The following PPP1R9A variants were observed in gnomAD, a reference collection of about 807,000 sequenced individuals.
PPP1R9A encodes neurabin-1.
A neutral mutation model predicts 141.9 loss-of-function variants in PPP1R9A; 59 were observed. That is an observed-to-expected ratio of 0.42 (90% CI 0.34 to 0.52). The LOEUF (loss-of-function observed/expected upper bound fraction) is 0.52. Among genes scored for constraint, PPP1R9A ranks in the 20% least tolerant of loss-of-function variants. The probability of loss-of-function intolerance (pLI) is 0.10; values close to 1 mark genes in which losing one functional copy is unlikely to be tolerated. For synonymous variants in PPP1R9A, 500 were observed against 569.7 expected, an observed-to-expected ratio of 0.88 and a Z score of 1.74; for missense variants, 1,444 against 1,611.9, an observed-to-expected ratio of 0.90 and a Z score of 1.78.
intron 7 of PPP1R9A, among the ~76,000 whole-genome samples, chr7:95,219,708 G>T (rs1794115270): frequency 6.6e-6 from 1 of 152,072 alleles, no homozygotes; most frequent in South Asian, 2.1e-4. Flanking sequence ...CATCATTTTG[G>T]ATATTTTGCA....
intron 2 of PPP1R9A, among the ~76,000 whole-genome samples, chr7:94,917,594 G>A (rs918648415): frequency 6.7e-5 from 10 of 148,980 alleles, no homozygotes; most frequent in Non-Finnish European, 1.5e-4. Context: ...TTTTTGTAGA[G>A]ATGAAGTCTC....
At position 95,046,259 on chromosome 7, in the gene PPP1R9A, TTA is replaced by T. The variant is rs1809998417; in HGVS notation, c.1396-64999_1396-64998del. On this transcript the variant is annotated intron_variant, in intron 2 of 19. Coordinates refer to ENST00000433360, the MANE Select transcript of PPP1R9A (RefSeq NM_001166160.2). ...CCACGCCTGGCTAATTTTTGTATTT[TTA>T]GTACAGATGGGGTTTCACCATGTTG... 1.2e-4 allele frequency among the ~76,000 whole-genome samples: 19 copies of T among 152,172 alleles called. No individual in the cohort carries two copies. In the South Asian group the frequency reaches 3.9e-3, roughly 32 times the overall value.
intron 7 of PPP1R9A, among the ~76,000 whole-genome samples, chr7:95,223,280 C>T (rs1794702372): frequency 2.0e-5 from 3 of 151,978 alleles, no homozygotes; most frequent in African/African-American, 4.8e-5. Context: ...AAGAAGAACG[C>T]TTAACAACGT....
chr7:95,267,467 A>G (rs1480838514), intron 12 of PPP1R9A, among the ~76,000 whole-genome samples: 1 of 152,116 alleles, frequency 6.6e-6, no homozygotes, highest in Non-Finnish European at 1.5e-5. Context: ...GAGTAGTAGC[A>G]TTTCAAATAA....
chr7:95,283,885 G>A (rs1340126023), intron 16 of PPP1R9A, 133 bp from the exon 17 acceptor site: 8 of 739,274 alleles, frequency 1.1e-5, no homozygotes, highest in Admixed American at 3.2e-5. Context: ...AGTCAAAAGT[G>A]CAAACTTTTT....
chr7:95,043,170 T>C (rs1809503645), intron 2 of PPP1R9A, among the ~76,000 whole-genome samples: 1 of 152,200 alleles, frequency 6.6e-6, no homozygotes, highest in East Asian at 1.9e-4. Flanking sequence ...GATTTCAAAT[T>C]AAATTCTAGA....
intron 12 of PPP1R9A, among the ~76,000 whole-genome samples, chr7:95,265,277 A>C (rs939620246): frequency 3.3e-5 from 5 of 152,164 alleles, no homozygotes; most frequent in Non-Finnish European, 7.4e-5. Context: ...CAGACTTGAG[A>C]TTGACCTTCC....
At chr7:95,196,757 G>A (rs946185557) in intron 5 of PPP1R9A, among the ~76,000 whole-genome samples, 1 of 152,126 alleles carries the variant, frequency 6.6e-6, no homozygotes, top group Non-Finnish European at 1.5e-5. Flanking sequence ...GGCCCAGGAT[G>A]AAGATGACTT....
intron 12 of PPP1R9A, among the ~76,000 whole-genome samples, chr7:95,253,663 C>T (rs903358153): frequency 1.3e-5 from 2 of 152,062 alleles, no homozygotes; most frequent in African/African-American, 4.8e-5. Flanking sequence ...TCCTTCTTCA[C>T]CACTTTAAGG....
chr7:95,053,043 G>A (rs1230495476), intron 2 of PPP1R9A, among the ~76,000 whole-genome samples: 1 of 152,090 alleles, frequency 6.6e-6, no homozygotes, highest in Non-Finnish European at 1.5e-5. Context: ...CAATCTTCCT[G>A]TGTGATAAAG....
chr7:95,084,437 T>C (rs1816333113), intron 2 of PPP1R9A, among the ~76,000 whole-genome samples: 1 of 152,062 alleles, frequency 6.6e-6, no homozygotes, highest in South Asian at 2.1e-4. Flanking sequence ...ACATATAGTA[T>C]GACAACTTGG....
At chr7:95,011,210 AT>A (rs942315558) in intron 2 of PPP1R9A, among the ~76,000 whole-genome samples, 2 of 152,176 alleles carry the variant, frequency 1.3e-5, no homozygotes, top group African/African-American at 4.8e-5. Flanking sequence ...AATTAATTTT[AT>A]TCTTTCAAAT....
At chr7:95,043,302 G>T (rs1306125151) in intron 2 of PPP1R9A, among the ~76,000 whole-genome samples, 1 of 152,170 alleles carries the variant, frequency 6.6e-6, no homozygotes, top group Non-Finnish European at 1.5e-5. Context: ...TTGAATAACT[G>T]TGTGAGAAAA....
At chr7:95,127,944 G>T (rs1287715276) in intron 4 of PPP1R9A, among the ~76,000 whole-genome samples, 2 of 152,174 alleles carry the variant, frequency 1.3e-5, no homozygotes, top group African/African-American at 4.8e-5. Flanking sequence ...GGTTGGTTCT[G>T]TGTCTTTGCT....
chr7:95,059,570 C>T (rs1318970117), intron 2 of PPP1R9A, among the ~76,000 whole-genome samples: 1 of 152,140 alleles, frequency 6.6e-6, no homozygotes, highest in Non-Finnish European at 1.5e-5. Context: ...AATAGACTAG[C>T]CTGAGCATGA....
chr7:94,990,346 TG>T (rs1801354341), intron 2 of PPP1R9A, among the ~76,000 whole-genome samples: 1 of 152,178 alleles, frequency 6.6e-6, no homozygotes, highest in African/African-American at 2.4e-5. Flanking sequence ...ACTAACATTA[TG>T]TGATACTTTG....
intron 2 of PPP1R9A, among the ~76,000 whole-genome samples, chr7:95,017,934 C>T (rs1805339327): frequency 6.6e-6 from 1 of 152,096 alleles, no homozygotes; most frequent in African/African-American, 2.4e-5. Flanking sequence ...AGTAAACTTG[C>T]TTGGGAGATT....
At chr7:95,245,494 C>T (rs1237162843) in intron 8 of PPP1R9A, among the ~76,000 whole-genome samples, 2 of 152,132 alleles carry the variant, frequency 1.3e-5, no homozygotes, top group African/African-American at 2.4e-5. Context: ...GAAGAGCCTA[C>T]AGTTGGAGCG....
chr7:95,138,501 C>T lies in PPP1R9A; in HGVS notation c.1649+17669C>T, dbSNP rs550545545. On this transcript the variant is annotated intron_variant, in intron 4 of 19. Transcript: ENST00000433360. ...CTGAGACAGGACACAAAGTACGAAC[C>T]ATGAAAGAAAAAACTGAGAAATTGA... Among the ~76,000 whole-genome samples the T allele has an allele frequency of 5.9e-5, 9 of 152,044 alleles. No individual in the cohort carries two copies. The South Asian group carries it at 1.9e-3, about 32-fold the overall frequency.
Sources: gnomAD v4.1 joint callset for allele counts (sites outside exome capture counted in the v4.1 genomes callset) on GRCh38, gnomAD v4.1.1 for gene constraint, MANE v1.5 for transcripts, NCBI Gene and HGNC (gene_info 2026-07-23, HGNC 2026-07-21) for gene names.